Variants in FAM193A observed in about 807,000 individuals in gnomAD.
FAM193A encodes the protein family with sequence similarity 193 member A.
In FAM193A, 22 loss-of-function variants were observed where a neutral mutation model predicts 126.5. That is an observed-to-expected ratio of 0.17 (90% confidence interval 0.12 to 0.25). The LOEUF (loss-of-function observed/expected upper bound fraction) is 0.25. Ranked by LOEUF, FAM193A falls within the 10% of genes least tolerant of loss-of-function variation. The pLI, the probability that FAM193A is intolerant of heterozygous loss-of-function variation, is 1.00. For missense variants in FAM193A, 1,675 were observed against 1,672.8 expected, an observed-to-expected ratio of 1.00 and a Z score of -0.02; for synonymous variants, 761 against 646.8, an observed-to-expected ratio of 1.18 and a Z score of -2.68.
chr4:2,561,904 T>C (rs1738639511), intron 1 of FAM193A, among the ~76,000 whole-genome samples: 1 of 152,200 alleles, frequency 6.6e-6, no homozygotes. Flanking sequence ...CTGTGGCTTG[T>C]GAACTCAACT....
In FAM193A at chr4:2,567,344, G is replaced by A. The variant is rs191357044; in HGVS notation, c.256-28740G>A. 3.7e-3 allele frequency among the ~76,000 whole-genome samples: 557 copies of A among 152,308 alleles called. 4 individuals are homozygous for A. The highest frequency in any genetic ancestry group is 0.013 in the African/African-American group (537 of 41,564). On this transcript the variant is annotated intron_variant, in intron 1 of 20. Transcript: ENST00000637812. Reference sequence around the variant, plus strand: ...AACCAGTTTTCATAATTTAGCAAGTGCAGCCAATGATATACTTCTACTTCG... The same window carrying A: ...AACCAGTTTTCATAATTTAGCAAGTACAGCCAATGATATACTTCTACTTCG...
intron 2 of FAM193A, among the ~76,000 whole-genome samples, chr4:2,597,739 T>C (rs1359578890): frequency 4.6e-5 from 7 of 152,194 alleles, no homozygotes; most frequent in African/African-American, 1.7e-4. Context: ...AGCTGGCCTT[T>C]AAAAAAATAA....
intron 2 of FAM193A, among the ~76,000 whole-genome samples, chr4:2,622,970 G>A (rs1742644804): frequency 6.6e-6 from 1 of 152,122 alleles, no homozygotes; most frequent in South Asian, 2.1e-4. Context: ...GGGACTTCGT[G>A]CTGGACTGTC....
intron 1 of FAM193A, among the ~76,000 whole-genome samples, chr4:2,577,909 C>A (rs1362615944): frequency 1.3e-5 from 2 of 152,090 alleles, no homozygotes; most frequent in Non-Finnish European, 2.9e-5. Flanking sequence ...ACTGTATAAT[C>A]GTTTTCAGTT....
At position 2,700,024 on chromosome 4, in the gene FAM193A, A is replaced by G. The variant is rs1333208264; in HGVS notation, c.3852A>G (p.Ser1284=). Residue 1284 remains serine, a synonymous_variant, in exon 19 of 21, where the codon TCA becomes TCG. Transcript: ENST00000637812. ...CCCCATCCAGGCATATGAACCACTCAGAGCCCAGGCCAGGGCTAGGGGCTG... is the reference window on the plus strand; with the variant it reads ...CCCCATCCAGGCATATGAACCACTCGGAGCCCAGGCCAGGGCTAGGGGCTG... ...SHSPSRHMNH[S]EPRPGLGADG... 1 of 1,613,916 alleles carries G rather than the reference A, an allele frequency of 6.2e-7. No homozygotes were observed. Among genetic ancestry groups the G allele is most frequent in the South Asian group, 1.1e-5 (1 of 91,072 alleles).
intron 1 of FAM193A, among the ~76,000 whole-genome samples, chr4:2,580,660 T>TC (rs917634968): frequency 3.9e-5 from 6 of 152,082 alleles, no homozygotes; most frequent in African/African-American, 7.2e-5. Context: ...GTCTGGGGCC[T>TC]CCCCCCTCTA....
intron 18 of FAM193A, 64 bp downstream of exon 18, chr4:2,696,657 C>T (rs1219250098): frequency 2.9e-5 from 37 of 1,295,428 alleles, no homozygotes; most frequent in South Asian, 2.7e-4. Context: ...TGCCGTGCCA[C>T]GCCAGTCTCT....
chr4:2,643,234 T>A (rs2298961), intron 6 of FAM193A, among the ~76,000 whole-genome samples: 50,013 of 152,024 alleles, frequency 0.33, 9,729 homozygotes, highest in Admixed American at 0.53. Flanking sequence ...TTCAAGATAA[T>A]TCAGATTTGC....
chr4:2,607,291 TGCA>T (rs1410643329), intron 2 of FAM193A, among the ~76,000 whole-genome samples: 3 of 152,230 alleles, frequency 2.0e-5, no homozygotes, highest in Non-Finnish European at 2.9e-5. Flanking sequence ...CAGTGAAGAA[TGCA>T]GCAGCCACTA....
Position 2,576,793 on chromosome 4 carries a change from G to C in FAM193A, c.256-19291G>C, listed in dbSNP as rs1038076572. Among the ~76,000 whole-genome samples the C allele has an allele frequency of 1.8e-4, 27 of 152,268 alleles. 1 individual carries two copies. In the South Asian group the frequency reaches 5.2e-3, roughly 29 times the overall value. On this transcript the variant is annotated intron_variant, in intron 1 of 20. Coordinates refer to ENST00000637812, the MANE Select transcript of FAM193A (RefSeq NM_001366318.2). ...GTCCTCAAAGTGATTTGAAGTAGTA[G>C]GTGCTGTTGTTACCCCAATTTTATG...
At chr4:2,729,528 G>A (rs59264899) in intron 20 of FAM193A, among the ~76,000 whole-genome samples, 1,604 of 152,272 alleles carry the variant, frequency 0.011, 28 homozygotes, top group African/African-American at 0.036. Context: ...GCTTTGTAAT[G>A]AACTTCCACT....
At chr4:2,639,198 T>G (rs993581428) in intron 5 of FAM193A, among the ~76,000 whole-genome samples, 3 of 152,308 alleles carry the variant, frequency 2.0e-5, no homozygotes, top group African/African-American at 7.2e-5. Context: ...CGTGGTATTA[T>G]CTAAAGTAAT....
chr4:2,700,513 G>T lies in FAM193A; in HGVS notation c.4341G>T (p.Lys1447Asn). ...AGGGCAAGAACAAGAAAAATAAGAA[G>T]AAGAAAGGAGACAGAGTCAACAATT... ...QPKGKNKKNK[K>N]KKGDRVNNSI... is the part of the protein sequence containing the mutation. Residue 1447 changes from lysine (K) to asparagine (N), a missense_variant, in exon 19 of 21, where the codon AAG becomes AAT. Physicochemically the swap from Lys to Asn is moderately conservative, Grantham distance 94. This residue lies in a region of FAM193A where 415 missense variants were observed against 396.7 expected (regional missense o/e 1.05). Coordinates refer to ENST00000637812, the MANE Select transcript of FAM193A (RefSeq NM_001366318.2). 1 of 1,612,616 alleles carries T rather than the reference G, an allele frequency of 6.2e-7. No homozygotes were observed. Among genetic ancestry groups the T allele is most frequent in the Non-Finnish European group, 8.5e-7 (1 of 1,179,636 alleles).
intron 5 of FAM193A, among the ~76,000 whole-genome samples, chr4:2,632,098 T>G (rs1743648201): frequency 6.6e-6 from 1 of 152,006 alleles, no homozygotes; most frequent in African/African-American, 2.4e-5. Context: ...TTCTTGCAGG[T>G]GGGGACTTGG....
At chr4:2,546,102 T>G (rs569935289) in intron 1 of FAM193A, among the ~76,000 whole-genome samples, 2 of 151,862 alleles carry the variant, frequency 1.3e-5, no homozygotes, top group South Asian at 2.1e-4. Context: ...GAGCCGAGAT[T>G]GTGCCACTGC....
intron 10 of FAM193A, 70 bp downstream of exon 10, chr4:2,660,124 A>G (rs1287864579): frequency 2.0e-6 from 3 of 1,488,318 alleles, no homozygotes; most frequent in Non-Finnish European, 2.8e-6. Context: ...ACATACAGTA[A>G]TGTCCACAGA....
At chr4:2,625,554 A>G (rs1742867282) in intron 3 of FAM193A, 159 bp downstream of exon 3, 2 of 461,742 alleles carry the variant, frequency 4.3e-6, no homozygotes, top group East Asian at 6.7e-5. Context: ...AGTAAGACAA[A>G]AACTGTTGCT....
chr4:2,573,713 C>T lies in FAM193A; in HGVS notation c.256-22371C>T, dbSNP rs372352188. On this transcript the variant is annotated intron_variant, in intron 1 of 20. Transcript: ENST00000637812. ...ACCTGTCGGGCTCTGTTCTAGACTC[C>T]CTACTGCCTGGAGCTGACTTTCCAG... is the stretch of plus-strand genomic sequence containing the variant. Among the ~76,000 whole-genome samples the T allele has an allele frequency of 7.9e-5, 12 of 152,218 alleles. No individual in the cohort carries two copies. In the South Asian group the frequency reaches 2.5e-3, roughly 32 times the overall value.
chr4:2,685,720 C>G (rs1409937829), intron 13 of FAM193A, among the ~76,000 whole-genome samples: 1 of 152,232 alleles, frequency 6.6e-6, no homozygotes, highest in Non-Finnish European at 1.5e-5. Context: ...CAGTCTGCGG[C>G]TCTTGCTCCT....
Sources: gnomAD v4.1 joint callset for allele counts (sites outside exome capture counted in the v4.1 genomes callset) on GRCh38, gnomAD v4.1.1 for gene constraint, gnomAD v4.1.1 regional missense constraint, MANE v1.5 for transcripts, NCBI Gene and HGNC (gene_info 2026-07-23, HGNC 2026-07-21) for gene names.